The following PCDHA5 variants were observed in gnomAD, a reference collection of about 807,000 sequenced individuals.
PCDHA5 encodes the protein protocadherin alpha 5.
In PCDHA5, 43 loss-of-function variants were observed where a neutral mutation model predicts 61.6. That is an observed-to-expected ratio of 0.70 (90% confidence interval 0.55 to 0.90). The LOEUF (loss-of-function observed/expected upper bound fraction) is 0.90, where lower values mean the gene tolerates loss of function less well. Ranked by LOEUF, PCDHA5 falls within the 40% of genes least tolerant of loss-of-function variation. The pLI is 0.00. For synonymous variants in PCDHA5, 627 were observed against 543.9 expected, an observed-to-expected ratio of 1.15 and a Z score of -2.13; for missense variants, 1,298 against 1,222.7, an observed-to-expected ratio of 1.06 and a Z score of -0.92.
intron 1 of PCDHA5, among the ~76,000 whole-genome samples, chr5:140,963,536 T>G (rs2095772178): frequency 6.6e-6 from 1 of 152,230 alleles, no homozygotes; most frequent in African/African-American, 2.4e-5. Flanking sequence ...TCCCATTTAC[T>G]TCATGATATA....
intron 1 of PCDHA5, among the ~76,000 whole-genome samples, chr5:140,899,251 G>T (rs1322090098): frequency 2.6e-5 from 4 of 152,082 alleles, no homozygotes; most frequent in African/African-American, 9.7e-5. Flanking sequence ...GTGAGAGAGG[G>T]CATCCCTGTC....
chr5:140,842,130 A>G (rs2150330073), intron 1 of PCDHA5: 80 of 1,613,774 alleles, frequency 5.0e-5, no homozygotes, highest in Non-Finnish European at 6.6e-5. Context: ...TCTGATCCGG[A>G]TGAAGGAGCC....
In PCDHA5 at chr5:140,822,505, T is replaced by C; in HGVS notation, c.730T>C (p.Ser244Pro). 1 of 1,613,896 alleles carries C rather than the reference T, an allele frequency of 6.2e-7. No individual in the cohort carries two copies. Among genetic ancestry groups the C allele is most frequent in the Non-Finnish European group, 8.5e-7 (1 of 1,179,988 alleles). ...TGATAACGCCCCAGAATTTGATAAA[T>C]CCATTTATAATGTCAGATTGTTGGA... is the stretch of plus-strand genomic sequence containing the variant. ...ANDNAPEFDK[S>P]IYNVRLLENA... is the part of the protein sequence containing the mutation. Residue 244 changes from serine (S) to proline (P), a missense_variant, in exon 1 of 4, where the codon TCC (serine) becomes CCC (proline). Transcript: ENST00000529859.
chr5:140,951,983 A>G (rs1043433314), intron 1 of PCDHA5, among the ~76,000 whole-genome samples: 1 of 152,214 alleles, frequency 6.6e-6, no homozygotes, highest in African/African-American at 2.4e-5. Context: ...CAAAAGGGAA[A>G]AACCAGCCAA....
intron 1 of PCDHA5, chr5:140,930,518 T>G (rs782236970): frequency 3.3e-5 from 5 of 152,592 alleles, no homozygotes; most frequent in Non-Finnish European, 5.9e-5. Flanking sequence ...CCACTGCAGC[T>G]GGCCCTCAAA....
chr5:140,982,708 C>G (rs550422492), intron 3 of PCDHA5, 145 bp downstream of exon 3: 1 of 1,373,770 alleles, frequency 7.3e-7, no homozygotes, highest in African/African-American at 1.5e-5. Flanking sequence ...GATTTCCTTA[C>G]ATATATGATT....
intron 3 of PCDHA5, among the ~76,000 whole-genome samples, chr5:140,982,811 A>G (rs1024619481): frequency 1.3e-5 from 2 of 150,966 alleles, no homozygotes; most frequent in Non-Finnish European, 1.5e-5. Flanking sequence ...GTGTGTGTGT[A>G]TGAAGTTTTT....
At chr5:140,824,621 T>TTTTTTTTTTG (rs1768258385) in intron 1 of PCDHA5, 1 of 130,846 alleles carries the variant, frequency 7.6e-6, no homozygotes, top group South Asian at 2.3e-4. Context: ...TTTTTTTTTT[T>TTTTTTTTTTG]TTTTTTTTTT....
At position 140,936,850 on chromosome 5, in the gene PCDHA5, CTTCTCAGT is replaced by C. The variant is rs1421923207; in HGVS notation, c.2353-42094_2353-42087del. Among the ~76,000 whole-genome samples the C allele has an allele frequency of 3.1e-4, 47 of 152,208 alleles. 1 individual carries two copies. Among genetic ancestry groups the C allele is most frequent in the African/African-American group, 1.1e-3 (46 of 41,532 alleles). On this transcript the variant is annotated intron_variant, in intron 1 of 3. Coordinates refer to ENST00000529859, the MANE Select transcript of PCDHA5 (RefSeq NM_018908.3). ...ATTTCTATATAAATTGTAGATTCAG[CTTCTCAGT>C]TTCTATTTTAAAAAACCCTGCTTTG... is the stretch of plus-strand genomic sequence containing the variant.
intron 1 of PCDHA5, chr5:140,841,338 G>C (rs2150313822): frequency 1.2e-6 from 2 of 1,611,372 alleles, no homozygotes; most frequent in South Asian, 1.1e-5. Flanking sequence ...TATCACTGGC[G>C]AGGAGAGCTG....
At chr5:140,905,408 C>G (rs1374273315) in intron 1 of PCDHA5, among the ~76,000 whole-genome samples, 1 of 152,142 alleles carries the variant, frequency 6.6e-6, no homozygotes, top group Non-Finnish European at 1.5e-5. Flanking sequence ...TATTTTTATA[C>G]CAGTACCATG....
At chr5:140,967,233 A>G in intron 1 of PCDHA5, 1 of 1,613,728 alleles carries the variant, frequency 6.2e-7, no homozygotes, top group South Asian at 1.1e-5. Context: ...TACCAGCTTC[A>G]GGTAAGCGAA....
At chr5:140,838,621 C>T (rs2150290768) in intron 1 of PCDHA5, among the ~76,000 whole-genome samples, 40 of 151,992 alleles carry the variant, frequency 2.6e-4, no homozygotes, top group Non-Finnish European at 5.1e-4. Context: ...AAATTTTTTA[C>T]AAATAATTTG....
At chr5:140,957,726 A>T (rs1297510940) in intron 1 of PCDHA5, among the ~76,000 whole-genome samples, 4 of 152,164 alleles carry the variant, frequency 2.6e-5, no homozygotes, top group Non-Finnish European at 5.9e-5. Flanking sequence ...AAGAAGCAGA[A>T]TTATATATAC....
chr5:140,865,396 A>G (rs1280770279), intron 1 of PCDHA5: 1 of 152,234 alleles, frequency 6.6e-6, no homozygotes, highest in Non-Finnish European at 1.5e-5. Context: ...GTTAATATAA[A>G]TGCTGAAAAG....
At chr5:140,843,143 T>A in intron 1 of PCDHA5, 1 of 1,595,956 alleles carries the variant, frequency 6.3e-7, no homozygotes, top group Non-Finnish European at 8.6e-7. Context: ...CGCGTGGCTT[T>A]CGTATGAGCT....
At chr5:140,918,155 A>T (rs1453787502) in intron 1 of PCDHA5, among the ~76,000 whole-genome samples, 1 of 152,054 alleles carries the variant, frequency 6.6e-6, no homozygotes, top group Admixed American at 6.5e-5. Flanking sequence ...GTGTATGTCT[A>T]TTGTAAATGG....
intron 1 of PCDHA5, chr5:140,828,626 G>A (rs2150157577): frequency 1.2e-6 from 2 of 1,614,092 alleles, no homozygotes; most frequent in Admixed American, 3.3e-5. Context: ...CGAATACTTC[G>A]GGCTAGATGT....
intron 1 of PCDHA5, among the ~76,000 whole-genome samples, chr5:140,974,018 T>C (rs2096611642): frequency 1.3e-5 from 2 of 152,222 alleles, no homozygotes; most frequent in Non-Finnish European, 1.5e-5. Context: ...CATGTGATAA[T>C]ACAACTATAA....
Sources: allele counts gnomAD v4.1 joint callset (sites outside exome capture counted in the v4.1 genomes callset), GRCh38; gene constraint gnomAD v4.1.1; transcripts MANE v1.5; gene names NCBI Gene and HGNC (gene_info 2026-07-23, HGNC 2026-07-21).